SEMA4D: variants seen among roughly 807,000 people sequenced by gnomAD.
SEMA4D encodes the protein semaphorin 4D.
SEMA4D carries 22 observed loss-of-function variants against 74.8 expected under a neutral mutation model. That is an observed-to-expected ratio of 0.29 (90% confidence interval 0.21 to 0.42). SEMA4D has a LOEUF of 0.42. Ranked by LOEUF, SEMA4D falls within the 10% of genes least tolerant of loss-of-function variation. The pLI is 1.00. For missense variants in SEMA4D, 937 were observed against 1,118.4 expected, an observed-to-expected ratio of 0.84 and a Z score of 2.31; for synonymous variants, 445 against 463.7, an observed-to-expected ratio of 0.96 and a Z score of 0.52.
At chr9:89,399,241 A>G (rs1841669674) in intron 5 of SEMA4D, 35 bp downstream of exon 5, 1 of 1,569,312 alleles carries the variant, frequency 6.4e-7, no homozygotes, top group Admixed American at 1.7e-5. Context: ...GAAATACTTG[A>G]ATGGGATTCT....
At chr9:89,480,903 G>A (rs4320636) in intron 1 of SEMA4D, among the ~76,000 whole-genome samples, 3 of 152,244 alleles carry the variant, frequency 2.0e-5, no homozygotes, top group East Asian at 1.9e-4. Flanking sequence ...CTCAAATGCC[G>A]CCAAAGTGGG....
At chr9:89,473,556 AC>A (rs1334672826) in intron 1 of SEMA4D, among the ~76,000 whole-genome samples, 1 of 151,866 alleles carries the variant, frequency 6.6e-6, no homozygotes, top group Non-Finnish European at 1.5e-5. Flanking sequence ...ACAGAATGAG[AC>A]CCTGTCTCAA....
intron 4 of SEMA4D, 75 bp from the exon 5 acceptor site, chr9:89,399,413 C>A: frequency 8.9e-7 from 1 of 1,124,778 alleles, no homozygotes; most frequent in South Asian, 1.2e-5. Flanking sequence ...ATTTTAAAAG[C>A]ACATGATAGA....
Position 89,379,119 on chromosome 9 carries a change from G to T in SEMA4D, c.2174C>A (p.Thr725Asn). The change falls in exon 16 of 16, where the codon ACC becomes AAC. Residue 725 changes from threonine to asparagine, a missense_variant. By Grantham distance (65) the Thr-to-Asn change is moderately conservative. Coordinates refer to ENST00000422704, the MANE Select transcript of SEMA4D (RefSeq NM_001371194.2). Reference protein sequence around the residue: ...NTVPQLHSEKTMYLKSSDNRL... With the variant: ...NTVPQLHSEKNMYLKSSDNRL... ...GTTGTCGCTGGACTTAAGATACATGGTTTTCTCCGAGTGGAGCTGGGGGAC... is the reference window on the plus strand; with the variant it reads ...GTTGTCGCTGGACTTAAGATACATGTTTTTCTCCGAGTGGAGCTGGGGGAC... 1 of 1,614,200 alleles carries T rather than the reference G, an allele frequency of 6.2e-7. No homozygotes were observed. The highest frequency in any genetic ancestry group is 8.5e-7 in the Non-Finnish European group (1 of 1,180,040).
At chr9:89,362,553 T>TC in intron 18 of SEMA4D, 1 of 1,552,724 alleles carries the variant, frequency 6.4e-7, no homozygotes, top group Non-Finnish European at 8.9e-7. Flanking sequence ...CTGTTGTGGT[T>TC]CCCCTCCTTG....
chr9:89,480,256 G>C (rs539207856), intron 1 of SEMA4D, among the ~76,000 whole-genome samples: 158 of 152,290 alleles, frequency 1.0e-3, no homozygotes, highest in Middle Eastern at 3.4e-3. Flanking sequence ...CACAAACCTT[G>C]AGCTAAACAC....
chr9:89,450,686 A>AAAAAAAAAAAAAAAAG, intron 2 of SEMA4D: 1 of 945,102 alleles, frequency 1.1e-6, no homozygotes, highest in Non-Finnish European at 1.6e-6. Flanking sequence ...AAAAAAAAAA[A>AAAAAAAAAAAAAAAAG]AGGCCTCCAA....
At chr9:89,376,995 G>A (rs1835890380), downstream of SEMA4D, 1 of 1,549,646 alleles carries the variant, frequency 6.5e-7, no homozygotes. Flanking sequence ...TCCCCCACAT[G>A]GCCCAGACAG....
chr9:89,392,548 CAGA>C lies in SEMA4D; in HGVS notation c.509-15_509-13del, dbSNP rs1840087980. 1 of 1,586,202 alleles carries C rather than the reference CAGA, an allele frequency of 6.3e-7. No individual in the cohort carries two copies. Among genetic ancestry groups the C allele is most frequent in the African/African-American group, 1.3e-5 (1 of 74,438 alleles). On this transcript the variant is annotated splice_polypyrimidine_tract_variant and intron_variant, in intron 7 of 15. Coordinates refer to ENST00000422704, the MANE Select transcript of SEMA4D (RefSeq NM_001371194.2). ...ATAAAGTTCTCCATCTGCAGGGGCC[CAGA>C]AGAAAAGAGGAAAAGGGAACCAACC... is the stretch of plus-strand genomic sequence containing the variant.
intron 2 of SEMA4D, among the ~76,000 whole-genome samples, chr9:89,408,965 T>C (rs1843909143): frequency 6.6e-6 from 1 of 152,192 alleles, no homozygotes; most frequent in Non-Finnish European, 1.5e-5. Context: ...GAAGGCGCTC[T>C]GAAGACGGAT....
chr9:89,432,930 A>T (rs1849589635), intron 2 of SEMA4D, among the ~76,000 whole-genome samples: 1 of 152,266 alleles, frequency 6.6e-6, no homozygotes, highest in South Asian at 2.1e-4. Flanking sequence ...AGCACTATTC[A>T]CAAGGGCCAG....
chr9:89,462,701 T>C (rs1309549807), intron 1 of SEMA4D, among the ~76,000 whole-genome samples: 1 of 151,764 alleles, frequency 6.6e-6, no homozygotes, highest in African/African-American at 2.4e-5. Context: ...TCCCAGTACT[T>C]TAGGAGGCCA....
intron 2 of SEMA4D, among the ~76,000 whole-genome samples, chr9:89,431,689 G>C (rs978097636): frequency 6.6e-6 from 1 of 151,926 alleles, no homozygotes; most frequent in African/African-American, 2.4e-5. Flanking sequence ...GTAGAGATGG[G>C]GTCTTGCTAT....
intron 2 of SEMA4D, among the ~76,000 whole-genome samples, chr9:89,413,841 T>TGCATCTGTGTGC (rs559440539): frequency 6.6e-6 from 1 of 152,256 alleles, no homozygotes; most frequent in Non-Finnish European, 1.5e-5. Context: ...CATACGTGCA[T>TGCATCTGTGTGC]GCATCTGTGT....
chr9:89,417,334 C>T (rs1366138042), intron 2 of SEMA4D, among the ~76,000 whole-genome samples: 1 of 152,156 alleles, frequency 6.6e-6, no homozygotes, highest in South Asian at 2.1e-4. Context: ...GTGCTGTCTC[C>T]CTGGCAGTGA....
At chr9:89,417,856 C>T (rs1275452513) in intron 2 of SEMA4D, among the ~76,000 whole-genome samples, 1 of 152,190 alleles carries the variant, frequency 6.6e-6, no homozygotes, top group African/African-American at 2.4e-5. Flanking sequence ...AGAACAGAGA[C>T]AGACAATCAC....
intron 1 of SEMA4D, among the ~76,000 whole-genome samples, chr9:89,485,619 T>A (rs1179366619): frequency 6.6e-6 from 1 of 151,662 alleles, no homozygotes; most frequent in Non-Finnish European, 1.5e-5. Flanking sequence ...AGAAACCCCA[T>A]CTCTACTAAA....
At chr9:89,383,240 CAT>C (rs1837598022) in intron 13 of SEMA4D, among the ~76,000 whole-genome samples, 1 of 152,156 alleles carries the variant, frequency 6.6e-6, no homozygotes, top group African/African-American at 2.4e-5. Flanking sequence ...GGGTTTCCCA[CAT>C]GACTCCCCTG....
At chr9:89,401,831 T>C (rs1687996841) in intron 4 of SEMA4D, among the ~76,000 whole-genome samples, 1 of 152,158 alleles carries the variant, frequency 6.6e-6, no homozygotes, top group African/African-American at 2.4e-5. Context: ...TCCCCTTTTA[T>C]ACGATTTCCA....
Sources: allele counts gnomAD v4.1 joint callset (sites outside exome capture counted in the v4.1 genomes callset), GRCh38; gene constraint gnomAD v4.1.1; transcripts MANE v1.5; gene names NCBI Gene and HGNC (gene_info 2026-07-23, HGNC 2026-07-21).